Variants in GABRB2 observed in about 807,000 individuals in gnomAD.
GABRB2 encodes the protein gamma-aminobutyric acid type A receptor subunit beta2, also known as gamma-aminobutyric acid receptor subunit beta-2.
GABRB2 carries 16 observed loss-of-function variants against 54.7 expected under a neutral mutation model. The observed-to-expected ratio is 0.29, with a 90% CI of 0.20 to 0.44. The LOEUF is 0.44. Among genes scored for constraint, GABRB2 ranks in the 20% least tolerant of loss-of-function variants. The pLI, the probability that GABRB2 is intolerant of heterozygous loss-of-function variation, is 1.00. For missense variants in GABRB2, 355 were observed against 644.0 expected (o/e 0.55, Z 4.86); for synonymous variants, 244 against 233.8 (o/e 1.04, Z -0.40).
chr5:161,342,289 GA>G (rs1485602605), intron 5 of GABRB2, among the ~76,000 whole-genome samples: 2 of 151,754 alleles, frequency 1.3e-5, no homozygotes, highest in African/African-American at 4.8e-5. Flanking sequence ...AGCACTTTTT[GA>G]ATAAAATACC....
intron 3 of GABRB2, among the ~76,000 whole-genome samples, chr5:161,475,395 C>G (rs1333553959): frequency 6.6e-6 from 1 of 151,872 alleles, no homozygotes; most frequent in East Asian, 1.9e-4. Context: ...ATCTGCCAAA[C>G]ATTTATAAAA....
chr5:161,525,968 G>T (rs1235133640), intron 3 of GABRB2, among the ~76,000 whole-genome samples: 1 of 151,220 alleles, frequency 6.6e-6, no homozygotes, highest in Non-Finnish European at 1.5e-5. Context: ...TGTTGATAAG[G>T]CTGGCCTAGT....
chr5:161,314,181 A>C (rs977898534), intron 9 of GABRB2, among the ~76,000 whole-genome samples: 12 of 152,340 alleles, frequency 7.9e-5, no homozygotes, highest in African/African-American at 2.9e-4. Context: ...TCACTATTAC[A>C]GTGTGCTTTC....
At chr5:161,548,401 A>G (rs1761055328), upstream of GABRB2, among the ~76,000 whole-genome samples, 2 of 152,196 alleles carry the variant, frequency 1.3e-5, no homozygotes, top group Non-Finnish European at 1.5e-5. Flanking sequence ...TTTATCTTGG[A>G]ACTGGGGAAG....
chr5:161,517,657 C>T (rs1759988351), intron 3 of GABRB2, among the ~76,000 whole-genome samples: 1 of 152,184 alleles, frequency 6.6e-6, no homozygotes, highest in Non-Finnish European at 1.5e-5. Context: ...TGCATTACTG[C>T]ATCATGTGCC....
At chr5:161,513,590 G>A (rs61647897) in intron 3 of GABRB2, among the ~76,000 whole-genome samples, 31,028 of 151,876 alleles carry the variant, frequency 0.2, 3,616 homozygotes, top group Non-Finnish European at 0.27. Context: ...GGATACTCAT[G>A]GACATACAGA....
intron 4 of GABRB2, among the ~76,000 whole-genome samples, chr5:161,438,439 T>G (rs1757371905): frequency 6.6e-6 from 1 of 151,912 alleles, no homozygotes; most frequent in African/African-American, 2.4e-5. Flanking sequence ...TACAAATAAG[T>G]CCAGACACTG....
At chr5:161,525,494 A>G (rs1266831208) in intron 3 of GABRB2, among the ~76,000 whole-genome samples, 2 of 151,308 alleles carry the variant, frequency 1.3e-5, no homozygotes, top group African/African-American at 4.8e-5. Context: ...CAGAACTAAT[A>G]CACAATTGTC....
chr5:161,450,317 T>C (rs1757755683), intron 4 of GABRB2, among the ~76,000 whole-genome samples: 1 of 152,040 alleles, frequency 6.6e-6, no homozygotes, highest in Non-Finnish European at 1.5e-5. Flanking sequence ...CAGAACATGA[T>C]GGGTCAGAAA....
At chr5:161,463,681 T>C (rs1758196574) in intron 3 of GABRB2, among the ~76,000 whole-genome samples, 1 of 146,360 alleles carries the variant, frequency 6.8e-6, no homozygotes, top group Non-Finnish European at 1.5e-5. Flanking sequence ...GGACTTACTA[T>C]ACTGATTTAA....
intron 3 of GABRB2, among the ~76,000 whole-genome samples, chr5:161,463,644 C>A: frequency 9.8e-6 from 1 of 101,810 alleles, no homozygotes; most frequent in African/African-American, 3.4e-5. Flanking sequence ...AAAAACAATG[C>A]TGGAAGACTC....
intron 3 of GABRB2, among the ~76,000 whole-genome samples, chr5:161,532,740 C>T (rs1452422211): frequency 6.6e-6 from 1 of 152,114 alleles, no homozygotes; most frequent in Non-Finnish European, 1.5e-5. Flanking sequence ...TCATATCTTT[C>T]TTCTACACAG....
intron 4 of GABRB2, among the ~76,000 whole-genome samples, chr5:161,438,434 A>G (rs956981426): frequency 5.3e-5 from 8 of 152,182 alleles, no homozygotes; most frequent in African/African-American, 1.9e-4. Flanking sequence ...ACAGCTACAA[A>G]TAAGTCCAGA....
chr5:161,487,410 C>T (rs748971027), intron 3 of GABRB2, among the ~76,000 whole-genome samples: 12 of 151,860 alleles, frequency 7.9e-5, no homozygotes, highest in Non-Finnish European at 1.5e-4. Flanking sequence ...TTATTGAATG[C>T]TTCCGTGAAA....
Position 161,483,123 on chromosome 5 carries a change from C to A in GABRB2, c.238-23279G>T, listed in dbSNP as rs534033729. On this transcript the variant is annotated intron_variant, in intron 3 of 9. Coordinates refer to ENST00000393959, the MANE Select transcript of GABRB2 (RefSeq NM_001371727.1). ...TGTGTAACTCAGCATTTCTCAAACT[C>A]ATTTGACTGTGTAATGAGTAGGAAC... 6.6e-5 allele frequency among the ~76,000 whole-genome samples: 10 copies of A among 152,144 alleles called. No individual in the cohort carries two copies. The South Asian group carries it at 1.7e-3, about 25-fold the overall frequency.
Position 161,289,381 on chromosome 5 carries a change from C to T in GABRB2, c.*4700G>A, listed in dbSNP as rs1194663003. Reference sequence around the variant, plus strand: ...GTGAAGCAGCGTCCTTTTTTTCCCCCATTATCTCATTTTTTTTTTCCTTTT... The same window carrying T: ...GTGAAGCAGCGTCCTTTTTTTCCCCTATTATCTCATTTTTTTTTTCCTTTT... On this transcript the variant is annotated 3_prime_UTR_variant, in exon 10 of 10. Coordinates refer to ENST00000393959, the MANE Select transcript of GABRB2 (RefSeq NM_001371727.1). 6.6e-6 allele frequency: 1 copy of T among 151,006 alleles called. No individual in the cohort carries two copies. Among genetic ancestry groups the T allele is most frequent in the Non-Finnish European group, 1.5e-5 (1 of 67,770 alleles). The allele number at this position is 151,006 out of a possible 1,614,324, so 9.4% of individuals were successfully genotyped here.
At chr5:161,507,122 G>A (rs542399198) in intron 3 of GABRB2, among the ~76,000 whole-genome samples, 1 of 151,940 alleles carries the variant, frequency 6.6e-6, no homozygotes, top group African/African-American at 2.4e-5. Context: ...GTGGAACTCT[G>A]AAAAATTGTC....
chr5:161,318,644 C>A (rs958152900), intron 9 of GABRB2, among the ~76,000 whole-genome samples: 9 of 152,086 alleles, frequency 5.9e-5, no homozygotes, highest in African/African-American at 1.9e-4. Flanking sequence ...AAATTCTTCT[C>A]TAAAATTTTT....
intron 3 of GABRB2, among the ~76,000 whole-genome samples, chr5:161,493,271 ATTT>A (rs964817204): frequency 1.3e-5 from 2 of 151,294 alleles, no homozygotes; most frequent in Non-Finnish European, 3.0e-5. Context: ...TCATTTTTCC[ATTT>A]TTTCCTTATT....
Sources: gnomAD v4.1 joint callset for allele counts (sites outside exome capture counted in the v4.1 genomes callset) on GRCh38, gnomAD v4.1.1 for gene constraint, MANE v1.5 for transcripts, NCBI Gene and HGNC (gene_info 2026-07-23, HGNC 2026-07-21) for gene names.